Variants in KLF12 observed in about 807,000 individuals in gnomAD.
KLF12 encodes KLF transcription factor 12.
Under a neutral mutation model 37.8 loss-of-function variants are expected in KLF12, and 9 were observed. That is an observed-to-expected ratio of 0.24 (90% confidence interval 0.14 to 0.42). The LOEUF is 0.42. Among genes scored for constraint, KLF12 ranks in the 10% least tolerant of loss-of-function variants. The pLI is 1.00. For missense variants in KLF12, 411 were observed against 516.0 expected (o/e 0.80, Z 1.97); for synonymous variants, 208 against 202.1 (o/e 1.03, Z -0.25).
At chr13:74,070,561 A>C (rs1354156208) in intron 1 of KLF12, among the ~76,000 whole-genome samples, 1 of 152,190 alleles carries the variant, frequency 6.6e-6, no homozygotes, top group Non-Finnish European at 1.5e-5. Flanking sequence ...CCACCATCCA[A>C]AACAACTCAC....
At chr13:73,741,036 CATA>C (rs1176241347) in intron 6 of KLF12, among the ~76,000 whole-genome samples, 3 of 152,286 alleles carry the variant, frequency 2.0e-5, no homozygotes, top group African/African-American at 7.2e-5. Flanking sequence ...GGCATTTTCA[CATA>C]ATACTTTAAG....
intron 1 of KLF12, among the ~76,000 whole-genome samples, chr13:74,123,542 A>G (rs1877761934): frequency 6.6e-6 from 1 of 152,248 alleles, no homozygotes. Context: ...AAGCCTTGGC[A>G]CATGGTAAAT....
At chr13:74,263,685 A>G in the KLF12 span, among the ~76,000 whole-genome samples, 1 of 152,198 alleles carries the variant, frequency 6.6e-6, no homozygotes, top group Non-Finnish European at 1.5e-5. Flanking sequence ...GGTTGCAGTG[A>G]GCTGAAATCA....
intron 1 of KLF12, among the ~76,000 whole-genome samples, chr13:74,033,823 G>A (rs545427735): frequency 6.6e-6 from 1 of 152,084 alleles, no homozygotes; most frequent in East Asian, 1.9e-4. Context: ...CTGGGTCATA[G>A]GGTAATCAGA....
chr13:74,247,678 C>T, the KLF12 span, among the ~76,000 whole-genome samples: 3 of 151,854 alleles, frequency 2.0e-5, no homozygotes, highest in Admixed American at 6.6e-5. Flanking sequence ...CACTATTTTG[C>T]GCGGACTGGT....
chr13:73,837,583 C>T (rs894790253), intron 4 of KLF12, among the ~76,000 whole-genome samples: 1 of 152,124 alleles, frequency 6.6e-6, no homozygotes, highest in Non-Finnish European at 1.5e-5. Context: ...GGGCTGCCTG[C>T]CTTTCTCTCA....
chr13:73,768,783 G>C (rs1300976175), intron 5 of KLF12, among the ~76,000 whole-genome samples: 1 of 152,152 alleles, frequency 6.6e-6, no homozygotes, highest in Non-Finnish European at 1.5e-5. Flanking sequence ...AATAGGCTTA[G>C]AAGATTAGGT....
At chr13:74,105,006 C>T (rs1593903990) in intron 1 of KLF12, among the ~76,000 whole-genome samples, 1 of 152,132 alleles carries the variant, frequency 6.6e-6, no homozygotes, top group East Asian at 1.9e-4. Flanking sequence ...AGATCATAAG[C>T]TGCAGAGTCC....
At chr13:74,057,754 T>A (rs1003990099) in intron 1 of KLF12, among the ~76,000 whole-genome samples, 9 of 151,920 alleles carry the variant, frequency 5.9e-5, no homozygotes, top group African/African-American at 1.9e-4. Context: ...GACAGTAACA[T>A]CCTGAAAGTT....
intron 1 of KLF12, among the ~76,000 whole-genome samples, chr13:74,053,412 G>T (rs1873044462): frequency 6.6e-6 from 1 of 151,948 alleles, no homozygotes; most frequent in Admixed American, 6.6e-5. Context: ...GGATGATCAT[G>T]TGTCAGGCAC....
chr13:74,106,391 C>T (rs1286732950), intron 1 of KLF12, among the ~76,000 whole-genome samples: 1 of 152,136 alleles, frequency 6.6e-6, no homozygotes, highest in Non-Finnish European at 1.5e-5. Flanking sequence ...TAATATACTT[C>T]ACTACAAGAG....
the KLF12 span, among the ~76,000 whole-genome samples, chr13:74,209,184 A>G: frequency 1.3e-5 from 2 of 152,112 alleles, no homozygotes; most frequent in Non-Finnish European, 2.9e-5. Context: ...TTTGTATTCA[A>G]TAGATATTGG....
At chr13:74,182,777 A>G in the KLF12 span, among the ~76,000 whole-genome samples, 1 of 152,232 alleles carries the variant, frequency 6.6e-6, no homozygotes, top group African/African-American at 2.4e-5. Context: ...CATTACATGC[A>G]GGAGTATGAA....
chr13:74,168,834 C>T, the KLF12 span, among the ~76,000 whole-genome samples: 2 of 152,174 alleles, frequency 1.3e-5, no homozygotes, highest in Non-Finnish European at 2.9e-5. Context: ...AGAAGATAAT[C>T]GGATGCCTTT....
chr13:73,748,076 GGAGAAT>G (rs1490746466), intron 6 of KLF12, among the ~76,000 whole-genome samples: 1 of 152,108 alleles, frequency 6.6e-6, no homozygotes, highest in Non-Finnish European at 1.5e-5. Flanking sequence ...ATGAATTTGT[GGAGAAT>G]CACTTTGGAG....
chr13:73,777,182 G>A (rs565352794), intron 5 of KLF12, among the ~76,000 whole-genome samples: 1 of 152,258 alleles, frequency 6.6e-6, no homozygotes, highest in Non-Finnish European at 1.5e-5. Context: ...TTTTGTGCAG[G>A]CGTGGAGAGG....
chr13:74,107,039 C>T (rs971016401), intron 1 of KLF12, among the ~76,000 whole-genome samples: 4 of 152,160 alleles, frequency 2.6e-5, no homozygotes, highest in Non-Finnish European at 5.9e-5. Flanking sequence ...ATCAAGGCAC[C>T]AGCAGATCTG....
chr13:73,812,159 T>C (rs778389222), intron 5 of KLF12, among the ~76,000 whole-genome samples: 21 of 152,112 alleles, frequency 1.4e-4, no homozygotes, highest in African/African-American at 3.1e-4. Context: ...ACACTACTTA[T>C]ATGTGGAAGA....
chr13:74,069,613 A>C (rs928279657), intron 1 of KLF12, among the ~76,000 whole-genome samples: 1 of 152,244 alleles, frequency 6.6e-6, no homozygotes, highest in Non-Finnish European at 1.5e-5. Context: ...CATATATTTT[A>C]AACAAAAGAG....
Sources: gnomAD v4.1 joint callset for allele counts (sites outside exome capture counted in the v4.1 genomes callset) on GRCh38, gnomAD v4.1.1 for gene constraint, MANE v1.5 for transcripts, NCBI Gene and HGNC (gene_info 2026-07-23, HGNC 2026-07-21) for gene names.